The following DHRSX variants were observed in gnomAD, a reference collection of about 807,000 sequenced individuals.
DHRSX encodes polyprenol dehydrogenase.
A neutral mutation model predicts 34.0 loss-of-function variants in DHRSX; 31 were observed. The observed-to-expected ratio is 0.91, with a 90% CI of 0.69 to 1.23. The LOEUF (loss-of-function observed/expected upper bound fraction) is 1.23. Ranked by LOEUF, DHRSX falls within the 50% of genes most tolerant of loss-of-function variation. The pLI is 0.00. For missense variants in DHRSX, 414 were observed against 428.1 expected, an observed-to-expected ratio of 0.97 and a Z score of 0.29; for synonymous variants, 201 against 183.8, an observed-to-expected ratio of 1.09 and a Z score of -0.76.
intron 6 of DHRSX, among the ~76,000 whole-genome samples, chrX:2,240,951 G>A (rs985808090): frequency 2.6e-5 from 4 of 152,184 alleles, no homozygotes; most frequent in African/African-American, 4.8e-5. Flanking sequence ...AGACCGAGGC[G>A]GGCAGATTAC....
At chrX:2,395,986 C>G (rs759695727) in intron 3 of DHRSX, among the ~76,000 whole-genome samples, 116 of 152,262 alleles carry the variant, frequency 7.6e-4, no homozygotes, top group African/African-American at 2.7e-3. Context: ...GCTCTGGAGA[C>G]CAAAAGTCTG....
At chrX:2,420,958 C>T (rs911289386) in intron 2 of DHRSX, among the ~76,000 whole-genome samples, 1 of 152,144 alleles carries the variant, frequency 6.6e-6, no homozygotes, top group African/African-American at 2.4e-5. Flanking sequence ...ACGATGTTAT[C>T]ATTATCTAAT....
rs182796991 is a variant in DHRSX, at chrX:2,300,526, G to A, written c.287-8923C>T. Among the ~76,000 whole-genome samples the A allele has an allele frequency of 4.9e-3, 748 of 152,188 alleles. 9 individuals carry two copies. Among genetic ancestry groups the A allele is most frequent in the African/African-American group, 0.017 (718 of 41,530 alleles). On this transcript the variant is annotated intron_variant, in intron 3 of 6. Transcript: ENST00000334651. ...GCAGACCCACCCTTAATCGGGGTGG[G>A]CACCATCTAATCAGCTGCCAGCACA...
chrX:2,293,173 T>C (rs1198144824), intron 3 of DHRSX, among the ~76,000 whole-genome samples: 1 of 151,980 alleles, frequency 6.6e-6, no homozygotes, highest in Non-Finnish European at 1.5e-5. Flanking sequence ...TTGTATTCAG[T>C]ATATCAACTT....
chrX:2,266,059 C>G (rs1372743273), intron 5 of DHRSX, among the ~76,000 whole-genome samples: 1 of 143,746 alleles, frequency 7.0e-6, no homozygotes, highest in African/African-American at 2.7e-5. Context: ...GCAGGGAGCA[C>G]TGTCCCCAGA....
chrX:2,443,220 C>T (rs779367796), intron 1 of DHRSX, among the ~76,000 whole-genome samples: 82 of 151,762 alleles, frequency 5.4e-4, no homozygotes, highest in Non-Finnish European at 9.1e-4. Flanking sequence ...TTTATATAGA[C>T]GGGGGTCTCA....
intron 1 of DHRSX, among the ~76,000 whole-genome samples, chrX:2,462,184 CA>C (rs11358005): frequency 0.36 from 42,609 of 119,054 alleles, 6,175 homozygotes; most frequent in African/African-American, 0.41. Flanking sequence ...ATTAGTGCCT[CA>C]AAAAAAAAAA....
rs963285313 is a variant in DHRSX at position 2,481,469 on chromosome X, C to A, written c.109+19348G>T. On this transcript the variant is annotated intron_variant, in intron 1 of 6. Transcript: ENST00000334651. ...TCACCTGAGGTCAGGAGTTCCAGAC[C>A]AGCTTTACCAATGTACTGAAACCCC... 2.7e-4 allele frequency among the ~76,000 whole-genome samples: 41 copies of A among 151,958 alleles called. 2 individuals are homozygous for A. Among genetic ancestry groups the A allele is most frequent in the Non-Finnish European group, 1.5e-5 (1 of 68,018 alleles).
chrX:2,457,494 A>G lies in DHRSX; in HGVS notation c.110-32190T>C, dbSNP rs766588828. On this transcript the variant is annotated intron_variant, in intron 1 of 6. Coordinates refer to ENST00000334651, the MANE Select transcript of DHRSX (RefSeq NM_145177.3). ...TGAAGACATTCCCTAAGATGCAGCC[A>G]AGGGACAGCACTCAAGACATTCCCT... 7.4e-5 allele frequency among the ~76,000 whole-genome samples: 11 copies of G among 148,920 alleles called. No individual in the cohort carries two copies. In the East Asian group the frequency reaches 2.2e-3, roughly 30 times the overall value.
At chrX:2,337,974 C>A (rs62583715) in intron 3 of DHRSX, 41,738 of 147,418 alleles carry the variant, frequency 0.28, 7,345 homozygotes, top group African/African-American at 0.5. Context: ...AATGATAAGA[C>A]GACAAGTTCC....
chrX:2,234,421 T>C (rs2015967149), intron 6 of DHRSX, among the ~76,000 whole-genome samples: 1 of 151,950 alleles, frequency 6.6e-6, no homozygotes, highest in Non-Finnish European at 1.5e-5. Flanking sequence ...CCCAGATCCA[T>C]GCACACAGCT....
At chrX:2,365,075 G>A (rs1191064393) in intron 3 of DHRSX, among the ~76,000 whole-genome samples, 3 of 152,076 alleles carry the variant, frequency 2.0e-5, no homozygotes, top group Admixed American at 6.6e-5. Flanking sequence ...TAATAACAAT[G>A]CCTGCCTCAA....
chrX:2,298,985 CAAAAAAAAAAAA>C (rs1162323678), intron 3 of DHRSX, among the ~76,000 whole-genome samples: 21 of 88,518 alleles, frequency 2.4e-4, no homozygotes, highest in African/African-American at 6.5e-4. Flanking sequence ...AACTCTGTCT[CAAAAAAAAAAAA>C]AAAAAAAAAA....
chrX:2,431,753 AATGGGGCAAGGAAGGG>A (rs2043926189), intron 1 of DHRSX, among the ~76,000 whole-genome samples: 2 of 152,146 alleles, frequency 1.3e-5, no homozygotes, highest in South Asian at 4.1e-4. Context: ...TGAGCAATTC[AATGGGGCAAGGAAGGG>A]ATGGGGCAAG....
chrX:2,380,755 A>G (rs114428981), intron 3 of DHRSX, among the ~76,000 whole-genome samples: 9,335 of 152,214 alleles, frequency 0.061, 658 homozygotes, highest in African/African-American at 0.17. Context: ...CATGCTGCAC[A>G]CGTAAACTCA....
At chrX:2,348,735 CCA>C (rs2042750837) in intron 3 of DHRSX, among the ~76,000 whole-genome samples, 1 of 151,456 alleles carries the variant, frequency 6.6e-6, no homozygotes, top group Non-Finnish European at 1.5e-5. Context: ...AGCCTGTTGC[CCA>C]GGCTGGAGTG....
At chrX:2,492,820 T>G (rs2045189094) in intron 1 of DHRSX, among the ~76,000 whole-genome samples, 1 of 152,242 alleles carries the variant, frequency 6.6e-6, no homozygotes, top group Non-Finnish European at 1.5e-5. Context: ...ACTTCTGGCC[T>G]CCAGAACTGG....
chrX:2,356,443 T>C (rs2042853465), intron 3 of DHRSX, among the ~76,000 whole-genome samples: 1 of 151,008 alleles, frequency 6.6e-6, no homozygotes, highest in Non-Finnish European at 1.5e-5. Flanking sequence ...TGGAAGCGTG[T>C]AGAATGTAGA....
rs1491532921 is a variant in DHRSX, at chrX:2,282,810, GAA to G, written c.388+8690_388+8691del. Among the ~76,000 whole-genome samples the G allele has an allele frequency of 7.5e-5, 8 of 107,368 alleles. 1 individual carries two copies. Among genetic ancestry groups the G allele is most frequent in the African/African-American group, 3.2e-4 (8 of 25,122 alleles). 70.4% of individuals were successfully genotyped at this position (107,368 alleles called of 152,430 possible). On this transcript the variant is annotated intron_variant, in intron 4 of 6. Coordinates refer to ENST00000334651, the MANE Select transcript of DHRSX (RefSeq NM_145177.3). ...AGAGAGAGAAGAAAGAGAGAAGAGA[GAA>G]AGAGAGAGAGGGAGAGAGAGGGAGA...
Sources: allele counts gnomAD v4.1 joint callset (sites outside exome capture counted in the v4.1 genomes callset), GRCh38; gene constraint gnomAD v4.1.1; transcripts MANE v1.5; gene names NCBI Gene and HGNC (gene_info 2026-07-23, HGNC 2026-07-21).